Variants in RAD54L2 observed in about 807,000 individuals in gnomAD.
RAD54L2 encodes the protein helicase ARIP4.
RAD54L2 carries 27 observed loss-of-function variants against 138.4 expected under a neutral mutation model. The observed-to-expected ratio is 0.20, with a 90% CI of 0.14 to 0.27. The LOEUF is 0.27. Among genes scored for constraint, RAD54L2 ranks in the 10% least tolerant of loss-of-function variants. The probability of loss-of-function intolerance (pLI) is 1.00; values close to 1 mark genes in which losing one functional copy is unlikely to be tolerated. For synonymous variants in RAD54L2, 644 were observed against 723.2 expected (o/e 0.89, Z 1.76); for missense variants, 1,396 against 1,890.2 (o/e 0.74, Z 4.85).
intron 2 of RAD54L2, among the ~76,000 whole-genome samples, chr3:51,579,089 G>T (rs1205511867): frequency 6.6e-6 from 1 of 151,436 alleles, no homozygotes; most frequent in African/African-American, 2.4e-5. Context: ...AAGTCAAGCC[G>T]CTTTTCTGTG....
At chr3:51,597,208 TTTTCTCAAGAATTTTA>T (rs1354983386) in intron 3 of RAD54L2, among the ~76,000 whole-genome samples, 1 of 149,244 alleles carries the variant, frequency 6.7e-6, no homozygotes, top group Non-Finnish European at 1.5e-5. Context: ...AACCTAGGGC[TTTTCTCAAGAATTTTA>T]TAACAAATCA....
intron 2 of RAD54L2, among the ~76,000 whole-genome samples, chr3:51,577,752 C>T (rs1699511418): frequency 1.3e-5 from 2 of 152,126 alleles, no homozygotes; most frequent in Non-Finnish European, 2.9e-5. Flanking sequence ...TGCTTTGGCT[C>T]ACACTCCGTG....
intron 2 of RAD54L2, among the ~76,000 whole-genome samples, chr3:51,558,969 G>A (rs1051590250): frequency 6.6e-6 from 1 of 152,042 alleles, no homozygotes; most frequent in African/African-American, 2.4e-5. Flanking sequence ...TGCCTCCCAC[G>A]TTTAAGCAAT....
At chr3:51,590,154 C>A (rs1369175132) in intron 2 of RAD54L2, among the ~76,000 whole-genome samples, 1 of 152,128 alleles carries the variant, frequency 6.6e-6, no homozygotes, top group African/African-American at 2.4e-5. Flanking sequence ...CCATGCCTGA[C>A]TAACTTTTGT....
intron 22 of RAD54L2, among the ~76,000 whole-genome samples, chr3:51,661,040 G>C (rs138201301): frequency 6.6e-6 from 1 of 151,932 alleles, no homozygotes; most frequent in South Asian, 2.1e-4. Context: ...TGCAACCTCC[G>C]CCTCCCGGGT....
chr3:51,618,442 T>C (rs999702099), intron 3 of RAD54L2, among the ~76,000 whole-genome samples: 92 of 152,090 alleles, frequency 6.0e-4, no homozygotes, highest in African/African-American at 2.2e-3. Context: ...GATGTGATGG[T>C]GTGTGTCTGT....
rs536655757 is a variant in RAD54L2, at chr3:51,625,530, T to C, written c.140-2023T>C. 3.9e-5 allele frequency among the ~76,000 whole-genome samples: 6 copies of C among 152,228 alleles called. No individual in the cohort carries two copies. In the East Asian group the frequency reaches 9.7e-4, roughly 25 times the overall value. On this transcript the variant is annotated intron_variant, in intron 3 of 22. Coordinates refer to ENST00000684192, the MANE Select transcript of RAD54L2 (RefSeq NM_015106.4). ...CACCATTAACATACCACAGTAATAA[T>C]TGGCTCTAGGTAAGACCCACCGATG...
intron 2 of RAD54L2, among the ~76,000 whole-genome samples, chr3:51,556,153 A>G (rs1559615260): frequency 6.6e-6 from 1 of 152,136 alleles, no homozygotes; most frequent in Non-Finnish European, 1.5e-5. Context: ...ATAGGACCAC[A>G]GTAACTGCTT....
chr3:51,587,406 A>T (rs1424175562), intron 2 of RAD54L2, among the ~76,000 whole-genome samples: 1 of 152,168 alleles, frequency 6.6e-6, no homozygotes, highest in East Asian at 1.9e-4. Context: ...CTGGCCGGAT[A>T]GTCGTTTCTG....
rs952692377 is a variant in RAD54L2, at chr3:51,664,330, G to T, written c.*910G>T. 2.6e-5 allele frequency: 4 copies of T among 152,236 alleles called. No individual in the cohort carries two copies. Among genetic ancestry groups the T allele is most frequent in the African/African-American group, 7.2e-5 (3 of 41,448 alleles). 9.4% of individuals were successfully genotyped at this position (152,236 alleles called of 1,614,324 possible). ...TTCCAGCTTGGAAGGTTGTCTGTGT[G>T]CAGAGGCTGGGAGGGAGAAGCACTG... On this transcript the variant is annotated 3_prime_UTR_variant, in exon 23 of 23. Transcript: ENST00000684192.
chr3:51,642,896 G>A (rs190630458), intron 15 of RAD54L2, among the ~76,000 whole-genome samples: 1 of 152,150 alleles, frequency 6.6e-6, no homozygotes, highest in South Asian at 2.1e-4. Context: ...TAGAACCCCA[G>A]TACCAAGCAA....
At chr3:51,567,472 GATA>G (rs1388890331) in intron 2 of RAD54L2, among the ~76,000 whole-genome samples, 2 of 152,018 alleles carry the variant, frequency 1.3e-5, no homozygotes, top group Non-Finnish European at 2.9e-5. Context: ...TGTTTTTGCA[GATA>G]ATAATTTTAC....
chr3:51,549,720 G>A (rs1374448021), intron 2 of RAD54L2, among the ~76,000 whole-genome samples: 4 of 149,004 alleles, frequency 2.7e-5, no homozygotes, highest in African/African-American at 5.0e-5. Flanking sequence ...GGAGGTTACA[G>A]TGAACTGAGA....
intron 2 of RAD54L2, among the ~76,000 whole-genome samples, chr3:51,549,729 G>C (rs1698788885): frequency 1.4e-5 from 2 of 145,732 alleles, no homozygotes; most frequent in South Asian, 4.5e-4. Flanking sequence ...AGTGAACTGA[G>C]ATCACGCCAC....
chr3:51,658,506 G>T (rs1031538351), intron 21 of RAD54L2, among the ~76,000 whole-genome samples: 1 of 152,118 alleles, frequency 6.6e-6, no homozygotes, highest in Non-Finnish European at 1.5e-5. Flanking sequence ...AAAAAGCTGG[G>T]CTAAACAGTA....
chr3:51,630,917 G>A lies in RAD54L2; in HGVS notation c.811G>A (p.Val271Met). 1.2e-6 allele frequency: 2 copies of A among 1,612,262 alleles called. No individual in the cohort carries two copies. Among genetic ancestry groups the A allele is most frequent in the South Asian group, 1.1e-5 (1 of 91,016 alleles). Residue 271 changes from valine to methionine, a missense_variant, in exon 7 of 23, where the codon GTG becomes ATG. Coordinates refer to ENST00000684192, the MANE Select transcript of RAD54L2 (RefSeq NM_015106.4). The stretch of plus-strand genomic sequence containing the variant: ...CCTTGCCCCACAGTTGGCACGGGCT[G>A]TGAAACCTCATCAGGTACAGCAAAC... ...VFLAPQLARA[V>M]KPHQIGGIRF... is the part of the protein sequence containing the mutation.
Position 51,575,842 on chromosome 3 carries a change from T to C in RAD54L2, c.-54-14525T>C, listed in dbSNP as rs1453233460. 4.6e-5 allele frequency among the ~76,000 whole-genome samples: 7 copies of C among 152,144 alleles called. No homozygotes were observed. In the South Asian group the frequency reaches 6.2e-4, roughly 14 times the overall value. Reference sequence around the variant, plus strand: ...TTCCTAATTGAATACCCTTTATTTCTTTCTCCTGCCTGATTGCCCTGGCCA... The same window carrying C: ...TTCCTAATTGAATACCCTTTATTTCCTTCTCCTGCCTGATTGCCCTGGCCA... On this transcript the variant is annotated intron_variant, in intron 2 of 22. Coordinates refer to ENST00000684192, the MANE Select transcript of RAD54L2 (RefSeq NM_015106.4).
chr3:51,628,447 G>A (rs1003974159), intron 4 of RAD54L2, among the ~76,000 whole-genome samples: 2 of 152,062 alleles, frequency 1.3e-5, no homozygotes, highest in African/African-American at 4.8e-5. Context: ...CTGGAGTGCA[G>A]TGGCGTGATC....
At chr3:51,617,404 T>TC (rs1220655089) in intron 3 of RAD54L2, among the ~76,000 whole-genome samples, 1 of 152,246 alleles carries the variant, frequency 6.6e-6, no homozygotes, top group Non-Finnish European at 1.5e-5. Context: ...TTTTAGTTAT[T>TC]CTAGTGAGTG....
Sources: allele counts gnomAD v4.1 joint callset (sites outside exome capture counted in the v4.1 genomes callset), GRCh38; gene constraint gnomAD v4.1.1; transcripts MANE v1.5; gene names NCBI Gene and HGNC (gene_info 2026-07-23, HGNC 2026-07-21).